The following EEF1B2 variants were observed in gnomAD, a reference collection of about 807,000 sequenced individuals.
EEF1B2 encodes elongation factor 1-beta.
EEF1B2 carries 12 observed loss-of-function variants against 28.3 expected under a neutral mutation model. That is an observed-to-expected ratio of 0.42 (90% CI 0.27 to 0.69). EEF1B2 has a LOEUF of 0.69. Ranked by LOEUF, EEF1B2 falls within the 30% of genes least tolerant of loss-of-function variation. The probability of loss-of-function intolerance (pLI) is 0.22; values close to 1 mark genes in which losing one functional copy is unlikely to be tolerated. For missense variants in EEF1B2, 234 were observed against 272.6 expected (o/e 0.86, Z 1.00); for synonymous variants, 83 against 99.9 (o/e 0.83, Z 1.01).
At chr2:206,159,835 C>T (rs1687844332), upstream of EEF1B2, 1 of 853,838 alleles carries the variant, frequency 1.2e-6, no homozygotes, top group South Asian at 1.8e-5. Context: ...ACCTTCGGTC[C>T]GGCGCGGTGG....
intron 4 of EEF1B2, 106 bp from the exon 5 acceptor site, chr2:206,162,383 C>T: frequency 3.8e-6 from 6 of 1,562,698 alleles, no homozygotes; most frequent in Non-Finnish European, 5.3e-6. Flanking sequence ...TTTTGTTTGG[C>T]TAAGGAGATA....
chr2:206,161,083 A>G (rs1687915469), intron 2 of EEF1B2: 1 of 570,986 alleles, frequency 1.8e-6, no homozygotes, highest in Non-Finnish European at 3.1e-6. Flanking sequence ...AACTGAGCAT[A>G]CTTAATGAAA....
At chr2:206,160,997 A>G (rs2105785455) in intron 2 of EEF1B2, 8 of 655,418 alleles carry the variant, frequency 1.2e-5, no homozygotes, top group East Asian at 3.1e-5. Flanking sequence ...TCATTCATTC[A>G]GTCCTTGGCC....
At chr2:206,160,103 C>T (rs1374465374) in intron 1 of EEF1B2, 44 bp downstream of exon 1, 2 of 1,597,976 alleles carry the variant, frequency 1.3e-6, no homozygotes, top group Non-Finnish European at 1.7e-6. Flanking sequence ...GGTTTCTCCG[C>T]CCGGGGCCGG....
chr2:206,161,959 C>T, intron 3 of EEF1B2, 79 bp from the exon 4 acceptor site: 1 of 1,258,416 alleles, frequency 7.9e-7, no homozygotes. Flanking sequence ...TTAAGCCAGT[C>T]TTTTTTGTGA....
rs1012820357 is a variant in EEF1B2 at position 206,159,927 on chromosome 2, A to G, written c.-53A>G. 1.9e-6 allele frequency: 3 copies of G among 1,593,350 alleles called. No individual in the cohort carries two copies. The East Asian group carries it at 6.8e-5, about 36-fold the overall frequency. On this transcript the variant is annotated 5_prime_UTR_variant, in exon 1 of 6. Coordinates refer to ENST00000392222, the MANE Select transcript of EEF1B2 (RefSeq NM_001959.4). ...CCTCTCTTCAGCGTGGGGCGCCCAC[A>G]ATTTGCGCGCTCTCTTTCTGCTGCT...
At position 206,162,594 on chromosome 2, in the gene EEF1B2, A is replaced by G. The variant is rs1559074402; in HGVS notation, c.503A>G (p.Asp168Gly). The stretch of plus-strand genomic sequence containing the variant: ...GAGTGCGTCAGAAGCATTCAAGCAG[A>G]CGGCTTAGTCTGGGGCTCATGTGAG... ...LEECVRSIQA[D>G]GLVWGSSKLV... Residue 168 changes from aspartate (D) to glycine (G), a missense_variant, in exon 5 of 6, where the codon GAC becomes GGC. Physicochemically the swap from Asp to Gly is moderately conservative, Grantham distance 94. Transcript: ENST00000392222. The G allele has an allele frequency of 6.2e-7, 1 of 1,613,482 alleles. No homozygotes were observed. Among genetic ancestry groups the G allele is most frequent in the East Asian group, 2.2e-5 (1 of 44,880 alleles).
chr2:206,161,879 T>A (rs1029745379), intron 3 of EEF1B2, 159 bp from the exon 4 acceptor site: 1 of 781,022 alleles, frequency 1.3e-6, no homozygotes, highest in Non-Finnish European at 2.3e-6. Flanking sequence ...AAATTCTGAC[T>A]GGTTGCATGA....
chr2:206,160,245 G>C (rs1183896119), intron 1 of EEF1B2, among the ~76,000 whole-genome samples, 186 bp downstream of exon 1: 1 of 152,202 alleles, frequency 6.6e-6, no homozygotes, highest in Non-Finnish European at 1.5e-5. Flanking sequence ...CGGCCTCCGG[G>C]GAGCGGTTCA....
At chr2:206,160,310 T>C (rs1687875982) in intron 1 of EEF1B2, among the ~76,000 whole-genome samples, 1 of 152,232 alleles carries the variant, frequency 6.6e-6, no homozygotes, top group Non-Finnish European at 1.5e-5. Context: ...GCCAGGTGTT[T>C]CCGCATCGCT....
intron 2 of EEF1B2, 146 bp from the exon 3 acceptor site, chr2:206,161,200 G>A: frequency 1.9e-6 from 2 of 1,078,360 alleles, no homozygotes; most frequent in Non-Finnish European, 2.7e-6. Flanking sequence ...ACATATGACA[G>A]TGTTTACCTG....
At chr2:206,161,493 A>C in intron 3 of EEF1B2, 21 bp downstream of exon 3, 1 of 1,612,634 alleles carries the variant, frequency 6.2e-7, no homozygotes, top group Non-Finnish European at 8.5e-7. Flanking sequence ...TTCTATAAAG[A>C]ACATATCGGC....
rs1235130994 is a variant in EEF1B2, at chr2:206,161,464, G to A, written c.322G>A (p.Asp108Asn). ...TGACATTGACCTCTTTGGATCTGAT[G>A]ATGAGGAGGTATGGCGTCTTCTATA... is the stretch of plus-strand genomic sequence containing the variant. ...DDDIDLFGSDDEEESEEAKRL... is the reference protein window; with the variant it reads ...DDDIDLFGSDNEEESEEAKRL... Residue 108 changes from aspartate (D) to asparagine (N), a missense_variant, in exon 3 of 6, where the codon GAT (aspartate) becomes AAT (asparagine). This residue lies in a region of EEF1B2 where 178 missense variants were observed against 173.3 expected (regional missense o/e 1.03). Transcript: ENST00000392222. 6.2e-7 allele frequency: 1 copy of A among 1,613,674 alleles called. No homozygotes were observed. Among genetic ancestry groups the A allele is most frequent in the Non-Finnish European group, 8.5e-7 (1 of 1,179,814 alleles).
At chr2:206,161,322 G>T (rs1378728445) in intron 2 of EEF1B2, 24 bp from the exon 3 acceptor site, 1 of 1,612,612 alleles carries the variant, frequency 6.2e-7, no homozygotes, top group East Asian at 2.2e-5. Context: ...GCTCAATAGT[G>T]GTTGAATTTA....
At chr2:206,160,857 A>G in intron 2 of EEF1B2, 147 bp downstream of exon 2, 1 of 1,213,164 alleles carries the variant, frequency 8.2e-7, no homozygotes, top group Non-Finnish European at 1.2e-6. Flanking sequence ...AGGCCAAGAG[A>G]CTGAAGCCCT....
At chr2:206,159,687 A>G (rs953892786), upstream of EEF1B2, 8 of 286,462 alleles carry the variant, frequency 2.8e-5, no homozygotes, top group Non-Finnish European at 4.6e-5. Context: ...CCGTGGAGGT[A>G]CGAACTTAAG....
rs201807235 is a variant in EEF1B2, at chr2:206,162,737, G to A, written c.532G>A (p.Val178Ile). ...CTTAATGCTCTTTTTAGCTAAACTA[G>A]TTCCAGTGGGATACGGAATTAAGAA... is the stretch of plus-strand genomic sequence containing the variant. ...DGLVWGSSKL[V>I]PVGYGIKKLQ... The change falls in exon 6 of 6, where the codon GTT becomes ATT. Residue 178 changes from valine (V) to isoleucine (I), a missense_variant. Around this residue, in one of 2 missense-constraint regions of EEF1B2, gnomAD observed 56 missense variants for 99.3 expected, o/e 0.56. Transcript: ENST00000392222. The A allele has an allele frequency of 3.1e-6, 5 of 1,613,438 alleles. No homozygotes were observed. The highest frequency in any genetic ancestry group is 4.2e-6 in the Non-Finnish European group (5 of 1,179,936).
At chr2:206,160,912 A>C (rs200423180) in intron 2 of EEF1B2, 4 of 835,700 alleles carry the variant, frequency 4.8e-6, no homozygotes, top group East Asian at 5.4e-5. Flanking sequence ...CAGCAATTCA[A>C]CTTTTCCCCA....
intron 1 of EEF1B2, 128 bp from the exon 2 acceptor site, chr2:206,160,460 G>C: frequency 6.6e-7 from 1 of 1,505,854 alleles, no homozygotes; most frequent in East Asian, 2.3e-5. Context: ...AATAAGAAAA[G>C]AAAAGCATTA....
Sources: gnomAD v4.1 joint callset for allele counts (sites outside exome capture counted in the v4.1 genomes callset) on GRCh38, gnomAD v4.1.1 for gene constraint, gnomAD v4.1.1 regional missense constraint, MANE v1.5 for transcripts, NCBI Gene and HGNC (gene_info 2026-07-23, HGNC 2026-07-21) for gene names.